Variants in PRKCA observed in about 807,000 individuals in gnomAD.
The protein encoded by PRKCA is protein kinase C alpha type.
Under a neutral mutation model 87.0 loss-of-function variants are expected in PRKCA, and 27 were observed. That is an observed-to-expected ratio of 0.31 (90% CI 0.23 to 0.43). PRKCA has a LOEUF of 0.43. Ranked by LOEUF, PRKCA falls within the 20% of genes least tolerant of loss-of-function variation. The pLI, the probability that PRKCA is intolerant of heterozygous loss-of-function variation, is 1.00. For synonymous variants in PRKCA, 329 were observed against 311.1 expected, an observed-to-expected ratio of 1.06 and a Z score of -0.61; for missense variants, 518 against 852.3, an observed-to-expected ratio of 0.61 and a Z score of 4.88.
chr17:66,499,523 T>C (rs1377538460), intron 3 of PRKCA, among the ~76,000 whole-genome samples: 2 of 152,234 alleles, frequency 1.3e-5, no homozygotes, highest in Non-Finnish European at 2.9e-5. Flanking sequence ...TGCCTGTTAA[T>C]TATTTTTGGT....
intron 2 of PRKCA, chr17:66,340,184 C>A (rs16959066): frequency 6.6e-6 from 1 of 152,166 alleles, no homozygotes; most frequent in Non-Finnish European, 1.5e-5. Flanking sequence ...TTTACAAACA[C>A]GCTACACACC....
chr17:66,347,902 A>ATGCTT (rs1907491246), intron 2 of PRKCA, among the ~76,000 whole-genome samples: 1 of 142,932 alleles, frequency 7.0e-6, no homozygotes, highest in Non-Finnish European at 1.5e-5. Flanking sequence ...GTGTAGCCAA[A>ATGCTT]TGCTTTATGT....
chr17:66,537,391 G>C (rs1598749603), intron 3 of PRKCA, among the ~76,000 whole-genome samples: 2 of 152,182 alleles, frequency 1.3e-5, no homozygotes, highest in Admixed American at 6.5e-5. Flanking sequence ...AAGGATATTA[G>C]GAGGTAGTGT....
At chr17:66,664,267 G>A (rs1971982018) in intron 5 of PRKCA, among the ~76,000 whole-genome samples, 1 of 152,164 alleles carries the variant, frequency 6.6e-6, no homozygotes, top group African/African-American at 2.4e-5. Flanking sequence ...ATGTGGTTCA[G>A]AGGCCCACTC....
At chr17:66,624,505 T>G (rs530433622) in intron 3 of PRKCA, among the ~76,000 whole-genome samples, 2 of 152,280 alleles carry the variant, frequency 1.3e-5, no homozygotes, top group Admixed American at 1.3e-4. Context: ...GATTTAAATT[T>G]AAATGAATTA....
chr17:66,503,432 CATTA>C (rs1156366293), intron 3 of PRKCA, among the ~76,000 whole-genome samples: 4 of 152,162 alleles, frequency 2.6e-5, no homozygotes, highest in Non-Finnish European at 5.9e-5. Context: ...CAAATGAATA[CATTA>C]ATTAACTTGT....
Position 66,750,626 on chromosome 17 carries a change from C to T in PRKCA, c.1524+7866C>T, listed in dbSNP as rs574252278. On this transcript the variant is annotated intron_variant, in intron 13 of 16. Coordinates refer to ENST00000413366, the MANE Select transcript of PRKCA (RefSeq NM_002737.3). ...TGTGGTCTATGAAACAAATGTGGCC[C>T]GCTCCTTTCTTCTGAGCCTCCCCAC... Among the ~76,000 whole-genome samples, 7 of 152,228 alleles carry T rather than the reference C, an allele frequency of 4.6e-5. No homozygotes were observed. In the South Asian group the frequency reaches 1.0e-3, roughly 23 times the overall value.
intron 2 of PRKCA, among the ~76,000 whole-genome samples, chr17:66,345,598 C>CT (rs543558721): frequency 8.5e-5 from 13 of 152,188 alleles, no homozygotes; most frequent in East Asian, 3.9e-4. Flanking sequence ...GACCATTTTC[C>CT]TTTTTTTATC....
intron 2 of PRKCA, among the ~76,000 whole-genome samples, chr17:66,368,379 TATATATA>T (rs539635375): frequency 2.8e-3 from 102 of 36,726 alleles, no homozygotes; most frequent in African/African-American, 7.0e-3. Flanking sequence ...TATATATATA[TATATATA>T]TTTTTTTTTT....
chr17:66,762,073 A>T (rs2144298854), intron 13 of PRKCA, among the ~76,000 whole-genome samples: 1 of 152,280 alleles, frequency 6.6e-6, no homozygotes, highest in East Asian at 1.9e-4. Flanking sequence ...TAACTGATTC[A>T]CTTCTGATTT....
intron 13 of PRKCA, among the ~76,000 whole-genome samples, chr17:66,746,833 AG>A (rs967763724): frequency 2.0e-5 from 3 of 152,190 alleles, no homozygotes; most frequent in African/African-American, 7.2e-5. Context: ...GGCCAAGCAA[AG>A]GCTTCATTTG....
intron 3 of PRKCA, among the ~76,000 whole-genome samples, chr17:66,577,412 G>A (rs1447036979): frequency 6.6e-6 from 1 of 152,188 alleles, no homozygotes; most frequent in Non-Finnish European, 1.5e-5. Flanking sequence ...GTGATTCTGA[G>A]CAATGTGGGA....
intron 2 of PRKCA, among the ~76,000 whole-genome samples, chr17:66,326,984 A>G (rs1906015589): frequency 1.3e-5 from 2 of 152,118 alleles, no homozygotes; most frequent in Non-Finnish European, 2.9e-5. Flanking sequence ...GGGGGGAATC[A>G]CTTGAGCCCT....
chr17:66,369,808 G>A (rs976288543), intron 2 of PRKCA, among the ~76,000 whole-genome samples: 5 of 152,106 alleles, frequency 3.3e-5, no homozygotes, highest in African/African-American at 1.2e-4. Context: ...TGCCTCTGTT[G>A]AGCCCCTGCC....
intron 2 of PRKCA, among the ~76,000 whole-genome samples, chr17:66,420,432 G>T (rs1299423433): frequency 6.6e-6 from 1 of 152,178 alleles, no homozygotes; most frequent in East Asian, 1.9e-4. Flanking sequence ...CTTCATGACG[G>T]TGTAAAAGTG....
intron 5 of PRKCA, among the ~76,000 whole-genome samples, chr17:66,660,402 T>C (rs1971862508): frequency 6.6e-6 from 1 of 152,234 alleles, no homozygotes; most frequent in African/African-American, 2.4e-5. Context: ...GTTGCTCATT[T>C]AATTCTCAAG....
intron 8 of PRKCA, among the ~76,000 whole-genome samples, chr17:66,711,551 C>T (rs1325110002): frequency 1.3e-5 from 2 of 152,194 alleles, no homozygotes; most frequent in African/African-American, 2.4e-5. Flanking sequence ...TTTCTGATAG[C>T]GCCACTCTCT....
intron 2 of PRKCA, among the ~76,000 whole-genome samples, chr17:66,474,782 A>T (rs1915470502): frequency 6.6e-6 from 1 of 152,180 alleles, no homozygotes; most frequent in Non-Finnish European, 1.5e-5. Context: ...AGGATTCAGG[A>T]TGGATGTAGA....
At chr17:66,463,890 A>G (rs886375238) in intron 2 of PRKCA, among the ~76,000 whole-genome samples, 1 of 152,018 alleles carries the variant, frequency 6.6e-6, no homozygotes, top group African/African-American at 2.4e-5. Context: ...TTATCACCCA[A>G]AGTCCACAGT....
Sources: gnomAD v4.1 joint callset for allele counts (sites outside exome capture counted in the v4.1 genomes callset) on GRCh38, gnomAD v4.1.1 for gene constraint, MANE v1.5 for transcripts, NCBI Gene and HGNC (gene_info 2026-07-23, HGNC 2026-07-21) for gene names.